The following CTPS2 variants were observed in gnomAD, a reference collection of about 807,000 sequenced individuals.
The protein encoded by CTPS2 is CTP synthase 2, also known as CTP synthase II.
In CTPS2, 19 loss-of-function variants were observed where a neutral mutation model predicts 46.8. The ratio of observed to expected loss-of-function variants is 0.41; its 90% confidence interval spans 0.28 to 0.60. The LOEUF is 0.60. Ranked by LOEUF, CTPS2 falls within the 20% of genes least tolerant of loss-of-function variation. The pLI is 0.35. For synonymous variants in CTPS2, 151 were observed against 165.2 expected, an observed-to-expected ratio of 0.91 and a Z score of 0.66; for missense variants, 286 against 447.6, an observed-to-expected ratio of 0.64 and a Z score of 3.26.
chrX:16,592,747 A>G (rs954920933), intron 17 of CTPS2, among the ~76,000 whole-genome samples: 1 of 112,269 alleles, frequency 8.9e-6, no homozygotes, highest in East Asian at 2.8e-4. Flanking sequence ...CAGCAGCGTG[A>G]AAGTTTTCCC....
chrX:16,666,596 C>T (rs1296733952), intron 13 of CTPS2, among the ~76,000 whole-genome samples: 1 of 111,195 alleles, frequency 9.0e-6, no homozygotes, highest in African/African-American at 3.3e-5. Flanking sequence ...CTTCCGTGAG[C>T]CGTGATCATG....
chrX:16,689,327 T>A (rs1347116291), intron 8 of CTPS2, 123 bp downstream of exon 8: 1 of 635,030 alleles, frequency 1.6e-6, no homozygotes, highest in Non-Finnish European at 2.5e-6. Flanking sequence ...TTTAGACATA[T>A]CCAGACCAAA....
At chrX:16,603,496 T>G (rs1387474933) in intron 17 of CTPS2, among the ~76,000 whole-genome samples, 3 of 110,413 alleles carry the variant, frequency 2.7e-5, no homozygotes, top group Non-Finnish European at 5.7e-5. Context: ...GCAAAGGAGA[T>G]CTCCAGACCG....
intron 16 of CTPS2, among the ~76,000 whole-genome samples, chrX:16,613,858 T>C (rs1930388688): frequency 8.9e-6 from 1 of 111,751 alleles, no homozygotes. Context: ...CCCAAAGCGT[T>C]GGGATTACAG....
At chrX:16,622,642 T>C (rs1930905240) in intron 14 of CTPS2, among the ~76,000 whole-genome samples, 1 of 111,014 alleles carries the variant, frequency 9.0e-6, no homozygotes, top group Non-Finnish European at 1.9e-5. Flanking sequence ...ATCTCCAAAT[T>C]AGGATATAAG....
At chrX:16,689,717 C>A in intron 7 of CTPS2, 116 bp from the exon 8 acceptor site, 1 of 575,731 alleles carries the variant, frequency 1.7e-6, no homozygotes, top group Admixed American at 3.7e-5. Flanking sequence ...ATAACACACA[C>A]ACACGCACAC....
At chrX:16,601,580 G>A (rs1032865306) in intron 17 of CTPS2, among the ~76,000 whole-genome samples, 2 of 105,021 alleles carry the variant, frequency 1.9e-5, no homozygotes, top group South Asian at 4.9e-4. Context: ...ATCGGGGGGG[G>A]GGGGGTTTAA....
intron 2 of CTPS2, among the ~76,000 whole-genome samples, chrX:16,700,493 C>T (rs1418164345): frequency 2.9e-4 from 30 of 101,843 alleles, no homozygotes; most frequent in African/African-American, 1.1e-3. Flanking sequence ...ACCTGGGAGG[C>T]GGAGGTTGCA....
At chrX:16,678,985 G>T (rs1381815884) in intron 9 of CTPS2, among the ~76,000 whole-genome samples, 1 of 111,307 alleles carries the variant, frequency 9.0e-6, no homozygotes, top group Non-Finnish European at 1.9e-5. Flanking sequence ...GAAGCCAGCC[G>T]AGAGGAGAGC....
chrX:16,686,623 G>A (rs1468415492), intron 8 of CTPS2, among the ~76,000 whole-genome samples: 3 of 112,631 alleles, frequency 2.7e-5, no homozygotes, highest in Non-Finnish European at 5.6e-5. Flanking sequence ...GAGGCCAAAG[G>A]CTGGGCATGG....
At chrX:16,659,759 G>C (rs889550382) in intron 13 of CTPS2, among the ~76,000 whole-genome samples, 1 of 111,718 alleles carries the variant, frequency 9.0e-6, no homozygotes, top group Non-Finnish European at 1.9e-5. Flanking sequence ...TGTGTGATGA[G>C]AGCAATGAAG....
At chrX:16,663,896 T>C (rs12835443) in intron 13 of CTPS2, among the ~76,000 whole-genome samples, 25 of 110,857 alleles carry the variant, frequency 2.3e-4, no homozygotes, top group South Asian at 1.5e-3. Context: ...AGTACAGTGG[T>C]GCAATCTCGG....
At chrX:16,616,781 A>G (rs1254483011) in intron 16 of CTPS2, among the ~76,000 whole-genome samples, 1 of 111,729 alleles carries the variant, frequency 9.0e-6, no homozygotes, top group Non-Finnish European at 1.9e-5. Flanking sequence ...TGCAACCTCC[A>G]CATCCTGGGT....
At chrX:16,607,032 G>T (rs1047935916) in intron 17 of CTPS2, among the ~76,000 whole-genome samples, 2 of 112,847 alleles carry the variant, frequency 1.8e-5, no homozygotes. Flanking sequence ...GATTACAGGC[G>T]TGAGCCACCA....
chrX:16,700,734 T>C (rs1293208956), intron 2 of CTPS2, among the ~76,000 whole-genome samples: 1 of 111,331 alleles, frequency 9.0e-6, no homozygotes, highest in African/African-American at 3.3e-5. Context: ...TGTGAGTCTA[T>C]TCTTTGTGTC....
Position 16,693,210 on chromosome X carries a change from T to G in CTPS2, c.570A>C (p.Gly190=). The G allele has an allele frequency of 8.3e-7, 1 of 1,209,422 alleles. No homozygotes were observed. Among genetic ancestry groups the G allele is most frequent in the Non-Finnish European group, 1.1e-6 (1 of 893,791 alleles). ...TTTGGGTGGGTTTGGTTTTTTGTTC[T>G]CCGGTAGCACTGAGCTGAAAAAAAA... ...VSLVPQLSAT[G]EQKTKPTQNS... The change falls in exon 6 of 19, where the codon GGA becomes GGC. Residue 190 remains glycine, a synonymous_variant. Coordinates refer to ENST00000359276, the MANE Select transcript of CTPS2 (RefSeq NM_175859.3).
In CTPS2 at chrX:16,589,745, TCCTTCATCTTG is replaced by T. The variant is rs1464339520; in HGVS notation, c.*61_*71del. 1 of 112,090 alleles carries T rather than the reference TCCTTCATCTTG, an allele frequency of 8.9e-6. No homozygotes were observed. Among genetic ancestry groups the T allele is most frequent in the Non-Finnish European group, 1.9e-5 (1 of 53,244 alleles). The allele number at this position is 112,090 out of a possible 1,213,427, so 9.2% of individuals were successfully genotyped here. ...GAGTGTAGTGATTTCTTCAGATAGTTCCTTCATCTTGCCTTCAATTATTTCAGAGGCTTAAA... is the reference window on the plus strand; with the variant it reads ...GAGTGTAGTGATTTCTTCAGATAGTTCCTTCAATTATTTCAGAGGCTTAAA... On this transcript the variant is annotated 3_prime_UTR_variant, in exon 19 of 19. Transcript: ENST00000359276.
chrX:16,669,176 G>A (rs1040234850), intron 11 of CTPS2, among the ~76,000 whole-genome samples: 6 of 110,576 alleles, frequency 5.4e-5, no homozygotes, highest in Non-Finnish European at 9.5e-5. Context: ...CCTGAACAGA[G>A]TGCTCGGTGA....
intron 16 of CTPS2, among the ~76,000 whole-genome samples, chrX:16,616,884 G>A (rs1029619357): frequency 2.7e-5 from 3 of 111,174 alleles, no homozygotes; most frequent in Non-Finnish European, 5.7e-5. Flanking sequence ...TAGTAGAGAT[G>A]GGGTTTCACC....
Sources: gnomAD v4.1 joint callset for allele counts (sites outside exome capture counted in the v4.1 genomes callset) on GRCh38, gnomAD v4.1.1 for gene constraint, MANE v1.5 for transcripts, NCBI Gene and HGNC (gene_info 2026-07-23, HGNC 2026-07-21) for gene names.